Variants in TRAPPC13 observed in about 807,000 individuals in gnomAD.
TRAPPC13 encodes the protein trafficking protein particle complex subunit 13.
TRAPPC13 carries 39 observed loss-of-function variants against 54.0 expected under a neutral mutation model. That is an observed-to-expected ratio of 0.72 (90% CI 0.56 to 0.94). The LOEUF is 0.94. Among genes scored for constraint, TRAPPC13 ranks in the 40% least tolerant of loss-of-function variants. TRAPPC13 has a pLI of 0.00. For missense variants in TRAPPC13, 386 were observed against 488.1 expected (o/e 0.79, Z 1.97); for synonymous variants, 148 against 167.7 (o/e 0.88, Z 0.91).
At chr5:65,627,090 C>G (rs535144109) in intron 1 of TRAPPC13, among the ~76,000 whole-genome samples, 100 of 133,730 alleles carry the variant, frequency 7.5e-4, no homozygotes, top group African/African-American at 2.8e-3. Context: ...TGAGATTGCG[C>G]CACTGCACTC....
chr5:65,639,230 A>G (rs13177440), intron 4 of TRAPPC13, among the ~76,000 whole-genome samples: 7,289 of 152,282 alleles, frequency 0.048, 307 homozygotes, highest in African/African-American at 0.095. Flanking sequence ...GAGCTACAAG[A>G]TGAGATTTGG....
intron 1 of TRAPPC13, chr5:65,629,442 T>G (rs1755423402): frequency 1.4e-6 from 2 of 1,398,150 alleles, no homozygotes; most frequent in Non-Finnish European, 1.9e-6. Flanking sequence ...TACCATATCT[T>G]ATTCTTTGCA....
intron 9 of TRAPPC13, among the ~76,000 whole-genome samples, chr5:65,658,969 C>G (rs566853451): frequency 1.3e-5 from 2 of 152,240 alleles, no homozygotes; most frequent in African/African-American, 4.8e-5. Flanking sequence ...ATCTGCCCAC[C>G]TTATCCTCCC....
chr5:65,634,265 G>T (rs1190077118), intron 1 of TRAPPC13, among the ~76,000 whole-genome samples: 1 of 151,922 alleles, frequency 6.6e-6, no homozygotes, highest in South Asian at 2.1e-4. Context: ...GATTACAGGC[G>T]TGAGCCACCA....
At chr5:65,659,967 C>CAAAAAAAAAAAAAAAAAA (rs141876171) in intron 9 of TRAPPC13, among the ~76,000 whole-genome samples, 14 of 95,226 alleles carry the variant, frequency 1.5e-4, no homozygotes, top group South Asian at 3.7e-4. Context: ...GTATTTTAAA[C>CAAAAAAAAAAAAAAAAAA]AAAAAAAAAA....
In TRAPPC13 at chr5:65,625,654, G is replaced by A. The variant is rs549564866; in HGVS notation, c.46+548G>A. Among the ~76,000 whole-genome samples the A allele has an allele frequency of 3.2e-4, 48 of 152,182 alleles. No individual in the cohort carries two copies. In the South Asian group the frequency reaches 7.2e-3, roughly 23 times the overall value. On this transcript the variant is annotated intron_variant, in intron 1 of 12. Transcript: ENST00000399438. The stretch of plus-strand genomic sequence containing the variant: ...TGTCAACTCTCATTTTTTGTACACA[G>A]CCATTTTGAGTAAGTTTGGTGATTT...
Position 65,660,733 on chromosome 5 carries a change from C to T in TRAPPC13, c.733C>T (p.Pro245Ser). 1 of 1,611,488 alleles carries T rather than the reference C, an allele frequency of 6.2e-7. No individual in the cohort carries two copies. Among genetic ancestry groups the T allele is most frequent in the Non-Finnish European group, 8.5e-7 (1 of 1,178,742 alleles). Residue 245 changes from proline (P) to serine (S), a missense_variant, in exon 10 of 13, where the codon CCA becomes TCA. Physicochemically the swap from Pro to Ser is moderately conservative, Grantham distance 74. Transcript: ENST00000399438. ...STFGSRAYLQ[P>S]MDTRQYLYCL... ...GTTTGGGTCAAGAGCATATTTGCAA[C>T]CAATGGATACACGCCAGTACTTATA... is the stretch of plus-strand genomic sequence containing the variant.
At chr5:65,659,203 A>C (rs1756761189) in intron 9 of TRAPPC13, among the ~76,000 whole-genome samples, 2 of 152,194 alleles carry the variant, frequency 1.3e-5, no homozygotes. Context: ...GGCTGAAGTC[A>C]AATTTCTGGA....
intron 4 of TRAPPC13, among the ~76,000 whole-genome samples, chr5:65,639,550 A>T (rs549383147): frequency 6.6e-6 from 1 of 152,250 alleles, no homozygotes; most frequent in African/African-American, 2.4e-5. Context: ...AGTCCCAGCT[A>T]CTCAGGAAGC....
At chr5:65,630,433 A>G (rs960479734) in intron 1 of TRAPPC13, 11 of 1,407,622 alleles carry the variant, frequency 7.8e-6, no homozygotes, top group Middle Eastern at 2.6e-4. Context: ...AAAATTTTTA[A>G]TGACTTTTTA....
At chr5:65,629,034 A>ATT in intron 1 of TRAPPC13, among the ~76,000 whole-genome samples, 1 of 152,150 alleles carries the variant, frequency 6.6e-6, no homozygotes, top group Admixed American at 6.5e-5. Context: ...GTTGGATTAG[A>ATT]ATTTACAGTG....
rs764124145 is a variant in TRAPPC13, at chr5:65,655,673, T to A, written c.564+20T>A. The stretch of plus-strand genomic sequence containing the variant: ...TCTGTGGTAATTTGATTTTTTATTA[T>A]AAATTTTTATACTTTTCTTACTCAC... On this transcript the variant is annotated intron_variant, in intron 8 of 12. Transcript: ENST00000399438. 37 of 831,532 alleles carry A rather than the reference T, an allele frequency of 4.4e-5. No homozygotes were observed. The highest frequency in any genetic ancestry group is 5.7e-5 in the Non-Finnish European group (34 of 596,720). 51.5% of individuals were successfully genotyped at this position (831,532 alleles called of 1,614,324 possible). A position where few individuals can be genotyped will look rare whatever the true frequency, so the allele number is the denominator to read the frequency against.
intron 4 of TRAPPC13, among the ~76,000 whole-genome samples, chr5:65,645,243 T>C (rs935942623): frequency 6.6e-6 from 1 of 151,776 alleles, no homozygotes; most frequent in African/African-American, 2.4e-5. Context: ...TTATTACTTA[T>C]GAATTGTATA....
intron 4 of TRAPPC13, among the ~76,000 whole-genome samples, chr5:65,641,269 G>A (rs1388040970): frequency 6.6e-6 from 1 of 152,084 alleles, no homozygotes; most frequent in Non-Finnish European, 1.5e-5. Flanking sequence ...TCACTTAAGA[G>A]GATATAGGTC....
At chr5:65,632,767 CA>C (rs756425671) in intron 1 of TRAPPC13, among the ~76,000 whole-genome samples, 13 of 152,188 alleles carry the variant, frequency 8.5e-5, no homozygotes, top group Non-Finnish European at 1.8e-4. Context: ...GCTAGCTATA[CA>C]GAGTAACTTC....
chr5:65,651,729 T>TA (rs397936547), intron 6 of TRAPPC13, among the ~76,000 whole-genome samples: 2 of 151,476 alleles, frequency 1.3e-5, no homozygotes, highest in Non-Finnish European at 2.9e-5. Context: ...ATGGTTTTTT[T>TA]CATTCCTTTG....
At chr5:65,662,961 G>A (rs951943605) in intron 11 of TRAPPC13, 3 of 151,932 alleles carry the variant, frequency 2.0e-5, no homozygotes, top group Non-Finnish European at 2.9e-5. Flanking sequence ...CTCATATATT[G>A]TGTATTTAGT....
At chr5:65,638,975 C>T (rs1045790731) in intron 4 of TRAPPC13, among the ~76,000 whole-genome samples, 1 of 151,986 alleles carries the variant, frequency 6.6e-6, no homozygotes, top group Non-Finnish European at 1.5e-5. Context: ...TCCCAGCTAC[C>T]TGGGAAGCTG....
intron 1 of TRAPPC13, among the ~76,000 whole-genome samples, chr5:65,627,285 C>T (rs1755287425): frequency 1.3e-5 from 2 of 152,000 alleles, no homozygotes; most frequent in African/African-American, 4.8e-5. Context: ...TCACACATTT[C>T]AATGTGCTGA....
Sources: allele counts gnomAD v4.1 joint callset (sites outside exome capture counted in the v4.1 genomes callset), GRCh38; gene constraint gnomAD v4.1.1; transcripts MANE v1.5; gene names NCBI Gene and HGNC (gene_info 2026-07-23, HGNC 2026-07-21).